Variants in HPN observed in about 807,000 individuals in gnomAD.
HPN encodes hepsin.
Under a neutral mutation model 55.9 loss-of-function variants are expected in HPN, and 13 were observed. The observed-to-expected ratio is 0.23, with a 90% confidence interval of 0.15 to 0.37. The LOEUF (loss-of-function observed/expected upper bound fraction) is 0.37. Ranked by LOEUF, HPN falls within the 10% of genes least tolerant of loss-of-function variation. The pLI is 1.00. For synonymous variants in HPN, 225 were observed against 240.3 expected, an observed-to-expected ratio of 0.94 and a Z score of 0.59; for missense variants, 451 against 575.8, an observed-to-expected ratio of 0.78 and a Z score of 2.22.
chr19:35,043,015 C>G (rs188891490), intron 2 of HPN, among the ~76,000 whole-genome samples: 11 of 152,248 alleles, frequency 7.2e-5, no homozygotes, highest in Admixed American at 2.6e-4. Flanking sequence ...GTGCATGACA[C>G]ACACCAGGCA....
In HPN at chr19:35,060,701, T is replaced by TG; in HGVS notation, c.700dup (p.Val234GlyfsTer87). The TG allele has an allele frequency of 6.2e-7, 1 of 1,614,158 alleles. No homozygotes were observed. Among genetic ancestry groups the TG allele is most frequent in the East Asian group, 2.2e-5 (1 of 44,882 alleles). On this transcript the variant is annotated frameshift_variant, in exon 9 of 13. Transcript: ENST00000672452. LOFTEE classifies it high-confidence loss of function. Reference sequence around the variant, plus strand: ...CAGGCCTCTCCCCACGGTCTGCAGCTGGGGGTGCAGGCTGTGGTCTACCAC... The same window carrying TG: ...CAGGCCTCTCCCCACGGTCTGCAGCTGGGGGGTGCAGGCTGTGGTCTACCAC...
At chr19:35,066,062 G>A (rs2064605280) in intron 12 of HPN, 30 bp downstream of exon 12, 3 of 1,609,800 alleles carry the variant, frequency 1.9e-6, no homozygotes, top group South Asian at 2.2e-5. Context: ...GGGAGCCAGG[G>A]TGGGGACGTT....
intron 9 of HPN, among the ~76,000 whole-genome samples, chr19:35,061,281 A>T (rs551287100): frequency 6.6e-6 from 1 of 151,962 alleles, no homozygotes; most frequent in South Asian, 2.1e-4. Context: ...GTGGATCACG[A>T]GGTCAGGAGT....
At chr19:35,058,614 T>C (rs936809227) in intron 4 of HPN, among the ~76,000 whole-genome samples, 2 of 147,200 alleles carry the variant, frequency 1.4e-5, no homozygotes, top group African/African-American at 4.9e-5. Context: ...TATATTAATA[T>C]TATATTATAA....
chr19:35,051,469 C>T (rs1033942187), intron 4 of HPN, among the ~76,000 whole-genome samples: 1 of 152,108 alleles, frequency 6.6e-6, no homozygotes, highest in Non-Finnish European at 1.5e-5. Flanking sequence ...TGATCTTGAA[C>T]TCCTGAGCTC....
chr19:35,043,362 C>T (rs74928804), intron 2 of HPN, among the ~76,000 whole-genome samples: 3,968 of 152,262 alleles, frequency 0.026, 173 homozygotes, highest in African/African-American at 0.09. Context: ...CATGGAGGGG[C>T]GTCCTGTTCT....
intron 4 of HPN, among the ~76,000 whole-genome samples, chr19:35,054,554 C>A (rs1369087272): frequency 6.6e-6 from 1 of 152,132 alleles, no homozygotes; most frequent in African/African-American, 2.4e-5. Context: ...GCTATTATTA[C>A]TGTGCTGTTG....
intron 9 of HPN, 117 bp downstream of exon 9, chr19:35,060,934 A>G (rs12151147): frequency 0.07 from 62,403 of 887,012 alleles, 2,484 homozygotes; most frequent in African/African-American, 0.093. Flanking sequence ...AATAAGGGGA[A>G]TGATCTCGAG....
At chr19:35,048,643 C>T (rs2064371779) in intron 2 of HPN, among the ~76,000 whole-genome samples, 1 of 152,014 alleles carries the variant, frequency 6.6e-6, no homozygotes, top group Admixed American at 6.6e-5. Flanking sequence ...CCTGTAATCT[C>T]AGCATTTTGG....
chr19:35,066,209 G>A (rs2064607427), intron 12 of HPN, 40 bp from the exon 13 acceptor site: 2 of 1,614,026 alleles, frequency 1.2e-6, no homozygotes, highest in Non-Finnish European at 1.7e-6. Flanking sequence ...GGACGTGGAA[G>A]CCTCTCAGAC....
chr19:35,058,860 T>G (rs2064489159), intron 4 of HPN, among the ~76,000 whole-genome samples: 1 of 151,986 alleles, frequency 6.6e-6, no homozygotes, highest in African/African-American at 2.4e-5. Flanking sequence ...CTTCGGTTTC[T>G]CCACAAAAAA....
intron 11 of HPN, 73 bp from the exon 12 acceptor site, chr19:35,065,795 C>G: frequency 1.3e-6 from 2 of 1,535,348 alleles, no homozygotes; most frequent in Admixed American, 2.0e-5. Context: ...GGGGCCACAG[C>G]CCATGTCATC....
rs1012525121 is a variant in HPN at position 35,065,280 on chromosome 19, C to T, written c.842C>T (p.Ala281Val). Residue 281 changes from alanine (A) to valine (V), a missense_variant, in exon 10 of 13, where the codon GCC (alanine) becomes GTC (valine). This residue lies in a region of HPN where 378 missense variants were observed against 445.5 expected (regional missense o/e 0.85). Transcript: ENST00000672452. ...ATCCAGCCTGTGTGCCTCCCAGCTGCCGGCCAGGCCCTGGTGGATGGCAAG... is the reference window on the plus strand; with the variant it reads ...ATCCAGCCTGTGTGCCTCCCAGCTGTCGGCCAGGCCCTGGTGGATGGCAAG... ...EYIQPVCLPAAGQALVDGKIC... is the reference protein window; with the variant it reads ...EYIQPVCLPAVGQALVDGKIC... The T allele has an allele frequency of 6.2e-7, 1 of 1,613,828 alleles. No homozygotes were observed. Among genetic ancestry groups the T allele is most frequent in the African/African-American group, 1.3e-5 (1 of 74,914 alleles).
At chr19:35,049,699 A>G (rs1179688689) in intron 4 of HPN, among the ~76,000 whole-genome samples, 183 bp downstream of exon 4, 2 of 152,222 alleles carry the variant, frequency 1.3e-5, no homozygotes, top group African/African-American at 2.4e-5. Context: ...CCACATGTCT[A>G]ACCCAGACTT....
At chr19:35,050,910 C>CTTCTTTT (rs1568357736) in intron 4 of HPN, among the ~76,000 whole-genome samples, 4 of 116,764 alleles carry the variant, frequency 3.4e-5, no homozygotes, top group African/African-American at 1.3e-4. Flanking sequence ...TTCTTTCTTT[C>CTTCTTTT]TTTCTTTTTT....
chr19:35,041,990 G>C, intron 1 of HPN, 118 bp downstream of exon 1: 5 of 1,183,858 alleles, frequency 4.2e-6, no homozygotes, highest in Non-Finnish European at 5.3e-6. Flanking sequence ...CCTGAAGAGG[G>C]GGCACTATGA....
intron 4 of HPN, 139 bp from the exon 5 acceptor site, chr19:35,059,534 G>T: frequency 9.2e-7 from 1 of 1,083,072 alleles, no homozygotes. Context: ...CAGATGTGGG[G>T]GCTGCAACCC....
chr19:35,065,635 A>G lies in HPN; in HGVS notation c.1004A>G (p.Lys335Arg). ...TTCTATGGAAACCAGATCAAGCCCAAGATGTTCTGTGCTGGCTACCCCGAG... is the reference window on the plus strand; with the variant it reads ...TTCTATGGAAACCAGATCAAGCCCAGGATGTTCTGTGCTGGCTACCCCGAG... ...ADFYGNQIKPKMFCAGYPEGG... is the reference protein window; with the variant it reads ...ADFYGNQIKPRMFCAGYPEGG... The change falls in exon 11 of 13, where the codon AAG becomes AGG. Residue 335 changes from lysine (K) to arginine (R), a missense_variant. Physicochemically the swap from Lys to Arg is conservative, Grantham distance 26. Transcript: ENST00000672452. The G allele has an allele frequency of 6.2e-7, 1 of 1,614,180 alleles. No individual in the cohort carries two copies. The highest frequency in any genetic ancestry group is 8.5e-7 in the Non-Finnish European group (1 of 1,180,022).
At chr19:35,043,870 G>C (rs2151752143) in intron 2 of HPN, among the ~76,000 whole-genome samples, 1 of 152,372 alleles carries the variant, frequency 6.6e-6, no homozygotes, top group South Asian at 2.1e-4. Flanking sequence ...CGAATGGACA[G>C]AGATGGCCTG....
Sources: gnomAD v4.1 joint callset for allele counts (sites outside exome capture counted in the v4.1 genomes callset) on GRCh38, gnomAD v4.1.1 for gene constraint, gnomAD v4.1.1 regional missense constraint, MANE v1.5 for transcripts, NCBI Gene and HGNC (gene_info 2026-07-23, HGNC 2026-07-21) for gene names.